Variants in TLK2 observed in about 807,000 individuals in gnomAD.
The protein encoded by TLK2 is tousled like kinase 2, also known as serine/threonine-protein kinase tousled-like 2.
Under a neutral mutation model 117.3 loss-of-function variants are expected in TLK2, and 6 were observed. The ratio of observed to expected loss-of-function variants is 0.05; its 90% CI spans 0.03 to 0.10. TLK2 has a LOEUF of 0.10. Ranked by LOEUF, TLK2 falls within the 10% of genes least tolerant of loss-of-function variation. TLK2 has a pLI of 1.00. For synonymous variants in TLK2, 257 were observed against 316.7 expected (o/e 0.81, Z 2.00); for missense variants, 299 against 901.2 (o/e 0.33, Z 8.56).
In TLK2 at chr17:62,602,027, G is replaced by T. The variant is rs1598875387; in HGVS notation, c.1721-15G>T. Reference sequence around the variant, plus strand: ...AGTAAGTCTCTGCTTATTCATGAAGGTTTTTATTTTTTAGGTAATATTCTT... The same window carrying T: ...AGTAAGTCTCTGCTTATTCATGAAGTTTTTTATTTTTTAGGTAATATTCTT... On this transcript the variant is annotated splice_polypyrimidine_tract_variant and intron_variant, in intron 18 of 21. Transcript: ENST00000346027. The T allele has an allele frequency of 5.0e-6, 8 of 1,606,344 alleles. No homozygotes were observed. Among genetic ancestry groups the T allele is most frequent in the Middle Eastern group, 2.2e-4 (1 of 4,468 alleles).
intron 2 of TLK2, among the ~76,000 whole-genome samples, chr17:62,505,624 A>C (rs775120442): frequency 6.6e-6 from 1 of 151,678 alleles, no homozygotes; most frequent in Non-Finnish European, 1.5e-5. Flanking sequence ...CACCATTTTA[A>C]AAATGCTTTT....
At chr17:62,508,632 C>G (rs1271698314) in intron 2 of TLK2, 2 of 884,688 alleles carry the variant, frequency 2.3e-6, no homozygotes, top group Non-Finnish European at 2.7e-6. Context: ...TAAATAATTT[C>G]AAAGATACTA....
At chr17:62,573,396 G>T in intron 12 of TLK2, 29 bp downstream of exon 12, 1 of 1,608,538 alleles carries the variant, frequency 6.2e-7, no homozygotes, top group South Asian at 1.1e-5. Context: ...TGAACGCTGA[G>T]ACACCACACC....
chr17:62,592,973 C>T (rs1357239334), intron 16 of TLK2, among the ~76,000 whole-genome samples: 3 of 152,182 alleles, frequency 2.0e-5, no homozygotes, highest in African/African-American at 7.2e-5. Context: ...ATCTGTGCCA[C>T]TGCTGATCTG....
chr17:62,543,677 A>G (rs2077703064), intron 7 of TLK2, among the ~76,000 whole-genome samples: 1 of 152,158 alleles, frequency 6.6e-6, no homozygotes, highest in Non-Finnish European at 1.5e-5. Context: ...CCATTTTTAA[A>G]TTGTGTTGCC....
chr17:62,564,909 T>C, intron 10 of TLK2, 92 bp from the exon 11 acceptor site: 1 of 1,458,586 alleles, frequency 6.9e-7, no homozygotes, highest in Non-Finnish European at 9.1e-7. Flanking sequence ...AATAATATGT[T>C]TCCTGATAAT....
At chr17:62,587,944 A>ATATACAGATGTATATGTATAAAATATACG (rs1334669197) in intron 16 of TLK2, among the ~76,000 whole-genome samples, 33 of 151,794 alleles carry the variant, frequency 2.2e-4, no homozygotes, top group Admixed American at 9.9e-4. Flanking sequence ...ATTTTTATAC[A>ATATACAGATGTATATGTATAAAATATACG]TATACAGATG....
chr17:62,514,530 T>C (rs1217347664), intron 2 of TLK2, among the ~76,000 whole-genome samples: 1 of 152,098 alleles, frequency 6.6e-6, no homozygotes, highest in Non-Finnish European at 1.5e-5. Context: ...TCAAAAACTT[T>C]TTAATTGTGG....
At chr17:62,502,166 C>T (rs1405575808) in intron 2 of TLK2, among the ~76,000 whole-genome samples, 2 of 150,674 alleles carry the variant, frequency 1.3e-5, no homozygotes, top group African/African-American at 4.9e-5. Context: ...AAATAATTAA[C>T]AAAATACTAG....
At chr17:62,473,955 GT>G (rs1172959098), upstream of TLK2, among the ~76,000 whole-genome samples, 1 of 152,098 alleles carries the variant, frequency 6.6e-6, no homozygotes, top group African/African-American at 2.4e-5. Flanking sequence ...GAGTACAATG[GT>G]GGGTTCTCAG....
chr17:62,516,384 C>T (rs532709552), intron 2 of TLK2: 1 of 1,581,914 alleles, frequency 6.3e-7, no homozygotes, highest in African/African-American at 1.3e-5. Flanking sequence ...CGGTTGCTGA[C>T]CCAGCCCCAG....
intron 16 of TLK2, among the ~76,000 whole-genome samples, chr17:62,596,200 C>T (rs2082468635): frequency 6.6e-6 from 1 of 152,138 alleles, no homozygotes; most frequent in African/African-American, 2.4e-5. Flanking sequence ...CTCAGCCTCC[C>T]GAGTAGCTGG....
chr17:62,596,766 A>C lies in TLK2; in HGVS notation c.1550+92A>C, dbSNP rs150875634. 3.2e-4 allele frequency: 355 copies of C among 1,093,904 alleles called. 3 individuals carry two copies. The African/African-American group carries it at 4.9e-3, about 15-fold the overall frequency. 67.8% of individuals were successfully genotyped at this position (1,093,904 alleles called of 1,614,324 possible). On this transcript the variant is annotated intron_variant, in intron 17 of 21. Transcript: ENST00000346027. ...TAGAGCTGAACTCTGGGTCCAGGACATACCCTCTGAGGGAACCAAGTAATT... is the reference window on the plus strand; with the variant it reads ...TAGAGCTGAACTCTGGGTCCAGGACCTACCCTCTGAGGGAACCAAGTAATT...
rs576170392 is a variant in TLK2, at chr17:62,491,769, A to G, written c.81+10563A>G. On this transcript the variant is annotated intron_variant, in intron 2 of 21. Coordinates refer to ENST00000346027, the MANE Select transcript of TLK2 (RefSeq NM_006852.6). ...CCCTGCTAATTTTTGTATTTTTAGT[A>G]GAGATGGGGTTTCACCGTGTTGGCC... Among the ~76,000 whole-genome samples, 7 of 152,244 alleles carry G rather than the reference A, an allele frequency of 4.6e-5. 1 individual carries two copies. Among genetic ancestry groups the G allele is most frequent in the African/African-American group, 1.7e-4 (7 of 41,544 alleles).
intron 2 of TLK2, among the ~76,000 whole-genome samples, chr17:62,511,184 A>G (rs1202296269): frequency 1.3e-5 from 2 of 152,158 alleles, no homozygotes; most frequent in Non-Finnish European, 1.5e-5. Context: ...ATTTTATCAC[A>G]TGTGTAGCTT....
At chr17:62,528,109 A>G (rs1328583819) in intron 6 of TLK2, among the ~76,000 whole-genome samples, 1 of 152,180 alleles carries the variant, frequency 6.6e-6, no homozygotes, top group Non-Finnish European at 1.5e-5. Flanking sequence ...TGTTACATAA[A>G]GGTGTAATTT....
intron 6 of TLK2, among the ~76,000 whole-genome samples, chr17:62,531,223 A>G (rs1472162687): frequency 6.6e-6 from 1 of 151,910 alleles, no homozygotes; most frequent in Admixed American, 6.6e-5. Flanking sequence ...TTAACCATAC[A>G]TTATACTTTC....
At chr17:62,481,337 A>C in intron 2 of TLK2, 131 bp downstream of exon 2, 3 of 910,274 alleles carry the variant, frequency 3.3e-6, no homozygotes, top group Non-Finnish European at 5.1e-6. Flanking sequence ...AATTTCAGTG[A>C]ACTTTTAGAT....
At chr17:62,532,771 A>G (rs917778149) in intron 6 of TLK2, among the ~76,000 whole-genome samples, 6 of 152,212 alleles carry the variant, frequency 3.9e-5, no homozygotes, top group Non-Finnish European at 1.5e-5. Flanking sequence ...ATTTATATCT[A>G]TAAATAGTGC....
Sources: gnomAD v4.1 joint callset for allele counts (sites outside exome capture counted in the v4.1 genomes callset) on GRCh38, gnomAD v4.1.1 for gene constraint, MANE v1.5 for transcripts, NCBI Gene and HGNC (gene_info 2026-07-23, HGNC 2026-07-21) for gene names.